The following KCNJ3 variants were observed in gnomAD, a reference collection of about 807,000 sequenced individuals.
The protein encoded by KCNJ3 is G protein-activated inward rectifier potassium channel 1.
In KCNJ3, 4 loss-of-function variants were observed where a neutral mutation model predicts 39.2. That is an observed-to-expected ratio of 0.10 (90% CI 0.05 to 0.23). The LOEUF is 0.23. KCNJ3 is among the 10% of genes least tolerant of loss of function. The probability of loss-of-function intolerance (pLI) is 1.00; values close to 1 mark genes in which losing one functional copy is unlikely to be tolerated. For missense variants in KCNJ3, 276 were observed against 634.9 expected (o/e 0.43, Z 6.08); for synonymous variants, 230 against 237.4 (o/e 0.97, Z 0.29).
Position 154,855,243 on chromosome 2 carries a change from G to C in KCNJ3, c.1436G>C (p.Gly479Ala). The C allele has an allele frequency of 6.2e-7, 1 of 1,613,788 alleles. No homozygotes were observed. The highest frequency in any genetic ancestry group is 1.1e-5 in the South Asian group (1 of 91,062). The stretch of plus-strand genomic sequence containing the variant: ...CCACCAAAGCTTCAAAAGATGGCTG[G>C]AGGAGCAGCTAGGATGGAAGGGAAC... ...DLPPKLQKMA[G>A]GAARMEGNLP... The change falls in exon 3 of 3, where the codon GGA becomes GCA. Residue 479 changes from glycine to alanine, a missense_variant. Gly to Ala is a moderately conservative substitution (Grantham distance 60). Around this residue, in one of 4 missense-constraint regions of KCNJ3, gnomAD observed 126 missense variants for 179.8 expected, o/e 0.70. Transcript: ENST00000295101.
chr2:154,750,539 T>A (rs1194863362), intron 2 of KCNJ3, among the ~76,000 whole-genome samples: 1 of 152,052 alleles, frequency 6.6e-6, no homozygotes, highest in Admixed American at 6.6e-5. Flanking sequence ...ATGAGATAGC[T>A]TCTGAACAGC....
chr2:154,831,350 G>T (rs994819049), intron 2 of KCNJ3, among the ~76,000 whole-genome samples: 1 of 152,054 alleles, frequency 6.6e-6, no homozygotes, highest in Non-Finnish European at 1.5e-5. Flanking sequence ...AAATAGTTTT[G>T]TATAAGACTC....
intron 2 of KCNJ3, among the ~76,000 whole-genome samples, chr2:154,729,327 T>C (rs1331118784): frequency 1.3e-5 from 2 of 152,158 alleles, no homozygotes; most frequent in East Asian, 1.9e-4. Context: ...CAGATCATCA[T>C]AGAAGAATTT....
Position 154,855,099 on chromosome 2 carries a change from G to C in KCNJ3, c.1292G>C (p.Gly431Ala), listed in dbSNP as rs1354192548. 1 of 1,614,050 alleles carries C rather than the reference G, an allele frequency of 6.2e-7. No homozygotes were observed. Among genetic ancestry groups the C allele is most frequent in the Admixed American group, 1.7e-5 (1 of 59,998 alleles). ...ACTTCAGAAAAAGCCTACAGCTTGGGAGACTTGCCCATGAAACTTCAACGA... is the reference window on the plus strand; with the variant it reads ...ACTTCAGAAAAAGCCTACAGCTTGGCAGACTTGCCCATGAAACTTCAACGA... The part of the protein sequence containing the change: ...STTSEKAYSL[G>A]DLPMKLQRIS... Residue 431 changes from glycine (G) to alanine (A), a missense_variant, in exon 3 of 3, where the codon GGA becomes GCA. Physicochemically the swap from Gly to Ala is moderately conservative, Grantham distance 60. Around this residue, in one of 4 missense-constraint regions of KCNJ3, gnomAD observed 126 missense variants for 179.8 expected, o/e 0.70. Coordinates refer to ENST00000295101, the MANE Select transcript of KCNJ3 (RefSeq NM_002239.4).
At chr2:154,714,420 G>A (rs1011009623) in intron 2 of KCNJ3, among the ~76,000 whole-genome samples, 3 of 150,460 alleles carry the variant, frequency 2.0e-5, no homozygotes, top group Non-Finnish European at 4.4e-5. Flanking sequence ...ACTCCTCCTC[G>A]CTCCTGTAAA....
chr2:154,823,348 G>C (rs1393046267), intron 2 of KCNJ3, among the ~76,000 whole-genome samples: 2 of 149,054 alleles, frequency 1.3e-5, no homozygotes, highest in Non-Finnish European at 3.0e-5. Flanking sequence ...GAGAGAGAAA[G>C]AAAAAGAGGC....
chr2:154,824,872 C>G (rs1687242474), intron 2 of KCNJ3, among the ~76,000 whole-genome samples: 1 of 152,180 alleles, frequency 6.6e-6, no homozygotes, highest in Non-Finnish European at 1.5e-5. Context: ...AAAGCAACTA[C>G]TGTGCACTAA....
At chr2:154,701,458 TTAACCTA>T (rs1329110722) in intron 1 of KCNJ3, among the ~76,000 whole-genome samples, 1 of 152,130 alleles carries the variant, frequency 6.6e-6, no homozygotes, top group Admixed American at 6.5e-5. Flanking sequence ...ATAATTAGAA[TTAACCTA>T]TATGTTAGTT....
chr2:154,835,936 T>C (rs1161017232), intron 2 of KCNJ3, among the ~76,000 whole-genome samples: 2 of 152,124 alleles, frequency 1.3e-5, no homozygotes, highest in Non-Finnish European at 2.9e-5. Context: ...ATAGACAGAT[T>C]ATCTTTTAGT....
At chr2:154,776,993 G>T (rs999643589) in intron 2 of KCNJ3, among the ~76,000 whole-genome samples, 1 of 151,932 alleles carries the variant, frequency 6.6e-6, no homozygotes, top group Non-Finnish European at 1.5e-5. Flanking sequence ...AGGAAATCTT[G>T]TGCTAGTTTA....
intron 2 of KCNJ3, among the ~76,000 whole-genome samples, chr2:154,719,307 T>C (rs1171516937): frequency 7.2e-5 from 11 of 152,182 alleles, no homozygotes; most frequent in Admixed American, 7.2e-4. Context: ...TGACTTAACC[T>C]AAGCCATTGG....
chr2:154,760,726 CTTT>C (rs1242554932), intron 2 of KCNJ3, among the ~76,000 whole-genome samples: 1 of 116,926 alleles, frequency 8.6e-6, no homozygotes, highest in Non-Finnish European at 1.8e-5. Context: ...CTATTTTTTT[CTTT>C]TTTTTCTTTT....
At chr2:154,791,661 G>A (rs894811818) in intron 2 of KCNJ3, among the ~76,000 whole-genome samples, 2 of 152,012 alleles carry the variant, frequency 1.3e-5, no homozygotes, top group African/African-American at 4.8e-5. Flanking sequence ...GAGATTTAAA[G>A]CAAGGGCTTG....
At chr2:154,803,379 T>C (rs954834212) in intron 2 of KCNJ3, among the ~76,000 whole-genome samples, 1 of 151,980 alleles carries the variant, frequency 6.6e-6, no homozygotes, top group African/African-American at 2.4e-5. Context: ...TAAAAATCAT[T>C]CTCAAACCTT....
chr2:154,852,293 G>C (rs899163184), intron 2 of KCNJ3, among the ~76,000 whole-genome samples: 1 of 152,192 alleles, frequency 6.6e-6, no homozygotes, highest in South Asian at 2.1e-4. Context: ...CACTTGGGAG[G>C]CTGAGGTGGG....
chr2:154,845,436 G>A (rs912365426), intron 2 of KCNJ3, among the ~76,000 whole-genome samples: 2 of 152,022 alleles, frequency 1.3e-5, no homozygotes, highest in East Asian at 1.9e-4. Flanking sequence ...TATCTTTTCC[G>A]ATACCAGTCT....
chr2:154,752,001 T>C (rs955529471), intron 2 of KCNJ3, among the ~76,000 whole-genome samples: 1 of 152,070 alleles, frequency 6.6e-6, no homozygotes, highest in Non-Finnish European at 1.5e-5. Flanking sequence ...GTTAGAGTTT[T>C]AACACATGAA....
intron 2 of KCNJ3, among the ~76,000 whole-genome samples, chr2:154,716,408 A>C (rs557131261): frequency 6.6e-6 from 1 of 151,064 alleles, no homozygotes; most frequent in South Asian, 2.1e-4. Context: ...TACAGGCATG[A>C]GCCACCACGC....
chr2:154,779,952 G>C (rs902255381), intron 2 of KCNJ3, among the ~76,000 whole-genome samples: 2 of 152,082 alleles, frequency 1.3e-5, no homozygotes, highest in African/African-American at 4.8e-5. Flanking sequence ...TTGTTAAAAG[G>C]AAGAGAGGAA....
Sources: allele counts gnomAD v4.1 joint callset (sites outside exome capture counted in the v4.1 genomes callset), GRCh38; gene constraint gnomAD v4.1.1; regional missense constraint gnomAD v4.1.1; transcripts MANE v1.5; gene names NCBI Gene and HGNC (gene_info 2026-07-23, HGNC 2026-07-21).